NELL1: variants seen among roughly 807,000 people sequenced by gnomAD.
The protein encoded by NELL1 is neural EGFL like 1.
Under a neutral mutation model 107.4 loss-of-function variants are expected in NELL1, and 76 were observed. The ratio of observed to expected loss-of-function variants is 0.71; its 90% confidence interval spans 0.59 to 0.86. The LOEUF is 0.86. Ranked by LOEUF, NELL1 falls within the 40% of genes least tolerant of loss-of-function variation. The pLI, the probability that NELL1 is intolerant of heterozygous loss-of-function variation, is 0.00. For synonymous variants in NELL1, 353 were observed against 341.2 expected (o/e 1.03, Z -0.38); for missense variants, 1,024 against 1,005.5 (o/e 1.02, Z -0.25).
chr11:21,146,476 C>T (rs10500893), intron 13 of NELL1, among the ~76,000 whole-genome samples: 21,843 of 152,072 alleles, frequency 0.14, 1,633 homozygotes, highest in Non-Finnish European at 0.17. Flanking sequence ...TCATTATAGT[C>T]GCCTTTATCA....
In NELL1 at chr11:21,113,709, G is replaced by A. The variant is rs772828076; in HGVS notation, c.1421G>A (p.Cys474Tyr). 6.2e-7 allele frequency: 1 copy of A among 1,610,902 alleles called. No individual in the cohort carries two copies. ...PGYIRVDDFS[C>Y]TEHDECGSGQ... ...TACATTCGTGTGGATGACTTCTCTT[G>A]TACAGGTGAGCTTTAAGAAGCAGTG... is the stretch of plus-strand genomic sequence containing the variant. The change falls in exon 13 of 20, where the codon TGT (cysteine) becomes TAT (tyrosine). Residue 474 changes from cysteine to tyrosine, a missense_variant. Cys to Tyr is a radical substitution (Grantham distance 194, BLOSUM62 -2). Transcript: ENST00000357134.
chr11:21,147,773 T>A (rs562102389), intron 13 of NELL1, among the ~76,000 whole-genome samples: 241 of 132,442 alleles, frequency 1.8e-3, no homozygotes, highest in African/African-American at 6.5e-3. Flanking sequence ...GAGGTGGAGG[T>A]TGTGGTGAGC....
chr11:20,727,001 G>A (rs7110082), intron 2 of NELL1, among the ~76,000 whole-genome samples: 154 of 152,320 alleles, frequency 1.0e-3, no homozygotes, highest in African/African-American at 3.6e-3. Context: ...TATCATTGAT[G>A]GACATTTGGG....
intron 12 of NELL1, among the ~76,000 whole-genome samples, chr11:20,969,107 T>C (rs1435554301): frequency 6.6e-6 from 1 of 152,200 alleles, no homozygotes; most frequent in South Asian, 2.1e-4. Flanking sequence ...CTTCAGTTGA[T>C]TGTGCTGAAG....
intron 13 of NELL1, among the ~76,000 whole-genome samples, chr11:21,138,496 A>G (rs1349060221): frequency 6.6e-6 from 1 of 152,158 alleles, no homozygotes; most frequent in East Asian, 1.9e-4. Context: ...TGACCTAAAT[A>G]TTGTTTTGGG....
intron 14 of NELL1, among the ~76,000 whole-genome samples, chr11:21,282,031 A>G (rs1590801695): frequency 2.0e-5 from 3 of 152,228 alleles, no homozygotes; most frequent in Non-Finnish European, 2.9e-5. Flanking sequence ...TCTTCACAGC[A>G]AAGGAAATAG....
At chr11:20,997,141 T>G (rs1283790097) in intron 12 of NELL1, among the ~76,000 whole-genome samples, 2 of 152,228 alleles carry the variant, frequency 1.3e-5, no homozygotes, top group Non-Finnish European at 2.9e-5. Flanking sequence ...ATTTGTCTAC[T>G]AATAAATACA....
At chr11:21,100,683 G>T (rs1854783302) in intron 12 of NELL1, among the ~76,000 whole-genome samples, 1 of 152,112 alleles carries the variant, frequency 6.6e-6, no homozygotes, top group South Asian at 2.1e-4. Flanking sequence ...CAGCCAAAAG[G>T]TGGCTTGTTC....
Position 21,276,376 on chromosome 11 carries a change from C to A in NELL1, c.1549+46922C>A, listed in dbSNP as rs574036067. Among the ~76,000 whole-genome samples the A allele has an allele frequency of 1.6e-3, 248 of 152,246 alleles. 3 individuals carry two copies. The highest frequency in any genetic ancestry group is 5.5e-3 in the African/African-American group (227 of 41,548). ...GACCTTTTCCAGGAGAACTACAAACCACTGCTCAATGAAATAAAAGAGGAT... is the reference window on the plus strand; with the variant it reads ...GACCTTTTCCAGGAGAACTACAAACAACTGCTCAATGAAATAAAAGAGGAT... On this transcript the variant is annotated intron_variant, in intron 14 of 19. Coordinates refer to ENST00000357134, the MANE Select transcript of NELL1 (RefSeq NM_006157.5).
intron 13 of NELL1, among the ~76,000 whole-genome samples, chr11:21,195,051 A>G (rs1377851469): frequency 6.6e-6 from 1 of 152,126 alleles, no homozygotes; most frequent in Non-Finnish European, 1.5e-5. Context: ...TTAATTTAGG[A>G]AACTAATGTC....
intron 12 of NELL1, among the ~76,000 whole-genome samples, chr11:21,006,775 C>A (rs1852336659): frequency 6.6e-6 from 1 of 152,060 alleles, no homozygotes; most frequent in Non-Finnish European, 1.5e-5. Context: ...CACTGTGATA[C>A]AATACTTTCC....
At position 21,130,018 on chromosome 11, in the gene NELL1, G is replaced by A. The variant is rs193262542; in HGVS notation, c.1426+16304G>A. Among the ~76,000 whole-genome samples the A allele has an allele frequency of 3.3e-3, 505 of 152,292 alleles. 3 individuals are homozygous for A. Among genetic ancestry groups the A allele is most frequent in the African/African-American group, 0.012 (495 of 41,558 alleles). Reference sequence around the variant, plus strand: ...TTAGTAAGTTATGCAAATGCAGTAGGTCTAATTTCTTTACTACCATAGGTA... The same window carrying A: ...TTAGTAAGTTATGCAAATGCAGTAGATCTAATTTCTTTACTACCATAGGTA... On this transcript the variant is annotated intron_variant, in intron 13 of 19. Transcript: ENST00000357134.
At chr11:21,242,538 A>G (rs1858390364) in intron 14 of NELL1, among the ~76,000 whole-genome samples, 1 of 152,150 alleles carries the variant, frequency 6.6e-6, no homozygotes. Flanking sequence ...CTGCTGTTGT[A>G]AATAAAATGC....
rs1325894648 is a variant in NELL1, at chr11:20,669,984, C to G, written c.55+206C>G. ...CTTGAAGATGTCCCCGTTGAGTGCC[C>G]CTTCTCAGGGGACCCGGCCTCAGGG... On this transcript the variant is annotated intron_variant, in intron 1 of 19. Coordinates refer to ENST00000357134, the MANE Select transcript of NELL1 (RefSeq NM_006157.5). The surrounding 1 kb of genome is among the most constrained non-coding windows in gnomAD (Gnocchi z 4.4). 6.6e-6 allele frequency among the ~76,000 whole-genome samples: 1 copy of G among 152,156 alleles called. No individual in the cohort carries two copies. Among genetic ancestry groups the G allele is most frequent in the East Asian group, 1.9e-4 (1 of 5,162 alleles).
chr11:21,377,478 T>A (rs1851506786), intron 15 of NELL1, among the ~76,000 whole-genome samples: 1 of 152,106 alleles, frequency 6.6e-6, no homozygotes, highest in Admixed American at 6.6e-5. Context: ...TGCAGCTATG[T>A]TCATCAGGCA....
intron 15 of NELL1, among the ~76,000 whole-genome samples, chr11:21,428,510 C>T (rs1852888297): frequency 6.6e-6 from 1 of 152,102 alleles, no homozygotes; most frequent in South Asian, 2.1e-4. Context: ...TTCATTTCTT[C>T]CACTTCCCTG....
intron 15 of NELL1, among the ~76,000 whole-genome samples, chr11:21,474,845 T>TACTA (rs1324571219): frequency 9.9e-5 from 15 of 152,204 alleles, no homozygotes; most frequent in Non-Finnish European, 1.6e-4. Context: ...GCATAAAATA[T>TACTA]ACTAACTTTA....
intron 15 of NELL1, among the ~76,000 whole-genome samples, chr11:21,412,334 GTAATTAAA>G (rs963049371): frequency 2.0e-5 from 3 of 152,028 alleles, no homozygotes; most frequent in Admixed American, 1.3e-4. Context: ...AAATGATTTT[GTAATTAAA>G]TAATAGGAGC....
At chr11:21,119,680 A>G (rs1301043714) in intron 13 of NELL1, among the ~76,000 whole-genome samples, 9 of 152,116 alleles carry the variant, frequency 5.9e-5, no homozygotes, top group Admixed American at 5.9e-4. Context: ...CTTGTAAGAG[A>G]TCCCTTAGTT....
Sources: gnomAD v4.1 joint callset for allele counts (sites outside exome capture counted in the v4.1 genomes callset) on GRCh38, gnomAD v4.1.1 for gene constraint, Gnocchi (gnomAD v3.1) non-coding constraint, MANE v1.5 for transcripts, NCBI Gene and HGNC (gene_info 2026-07-23, HGNC 2026-07-21) for gene names.